CELF2: variants seen among roughly 807,000 people sequenced by gnomAD.
CELF2 encodes CUGBP Elav-like family member 2, also known as CUG triplet repeat RNA-binding protein 2.
In CELF2, 8 loss-of-function variants were observed where a neutral mutation model predicts 62.6. That is an observed-to-expected ratio of 0.13 (90% confidence interval 0.07 to 0.23). CELF2 has a LOEUF of 0.23. Among genes scored for constraint, CELF2 ranks in the 10% least tolerant of loss-of-function variants. The pLI is 1.00. For missense variants in CELF2, 333 were observed against 671.0 expected (o/e 0.50, Z 5.56); for synonymous variants, 258 against 250.0 (o/e 1.03, Z -0.30).
At chr10:10,729,436 TTA>T in the CELF2 span, among the ~76,000 whole-genome samples, 1 of 152,232 alleles carries the variant, frequency 6.6e-6, no homozygotes, top group Non-Finnish European at 1.5e-5. Context: ...ATAATTTGTG[TTA>T]TGTTTCTCAG....
In CELF2 at chr10:11,197,025, A is replaced by AAGGAAGGAAGGAAGGAAGGAAGG. The variant is rs1554936316; in HGVS notation, c.272-20399_272-20398insGGAAGGAAGGAAGGAAGGAAGGA. Reference sequence around the variant, plus strand: ...AGGAGAAAGAAAGAAAGAAAGAAAGAAAAGAAAGAAAGAAAGAAAGAAAGA... The same window carrying AAGGAAGGAAGGAAGGAAGGAAGG: ...AGGAGAAAGAAAGAAAGAAAGAAAGAAGGAAGGAAGGAAGGAAGGAAGGAAAGAAAGAAAGAAAGAAAGAAAGA... On this transcript the variant is annotated intron_variant, in intron 2 of 12. Transcript: ENST00000633077. Among the ~76,000 whole-genome samples, 30 of 26,132 alleles carry AAGGAAGGAAGGAAGGAAGGAAGG rather than the reference A, an allele frequency of 1.1e-3. 3 individuals are homozygous for AAGGAAGGAAGGAAGGAAGGAAGG. Among genetic ancestry groups the AAGGAAGGAAGGAAGGAAGGAAGG allele is most frequent in the Middle Eastern group, 0.045 (2 of 44 alleles). The allele number at this position is 26,132 out of a possible 152,430, so 17.1% of individuals were successfully genotyped here.
chr10:11,242,727 G>A lies in CELF2; in HGVS notation c.355-6426G>A, dbSNP rs1443849529. Among the ~76,000 whole-genome samples, 1 of 152,212 alleles carries A rather than the reference G, an allele frequency of 6.6e-6. No individual in the cohort carries two copies. Among genetic ancestry groups the A allele is most frequent in the Non-Finnish European group, 1.5e-5 (1 of 68,042 alleles). On this transcript the variant is annotated intron_variant, in intron 3 of 12. Transcript: ENST00000633077. This position sits in a 1 kb window ranked among gnomAD's most constrained non-coding sequence, Gnocchi z 4.8. ...CTTACTCAGGAGTGAGGGGCATCAG[G>A]TCCAGTCACAGGCCAGCCAGGGTGA... is the stretch of plus-strand genomic sequence containing the variant.
chr10:11,163,542 A>G (rs1470159846), intron 1 of CELF2, among the ~76,000 whole-genome samples: 1 of 152,238 alleles, frequency 6.6e-6, no homozygotes, highest in African/African-American at 2.4e-5. Context: ...AAGATAAACA[A>G]TCTGGCTCTA....
At chr10:11,004,422 C>CGCGTGT (rs112867733), upstream of CELF2, among the ~76,000 whole-genome samples, 27 of 148,584 alleles carry the variant, frequency 1.8e-4, no homozygotes, top group African/African-American at 5.7e-4. The surrounding 1 kb of genome is among the most constrained non-coding windows in gnomAD (Gnocchi z 5.0). Context: ...TGTGCGCGCG[C>CGCGTGT]GTGTGTGTGT....
intron 1 of CELF2, among the ~76,000 whole-genome samples, chr10:10,893,510 G>A (rs542434265): frequency 4.9e-4 from 74 of 152,210 alleles, no homozygotes; most frequent in Non-Finnish European, 7.4e-4. Flanking sequence ...TACTGTACAG[G>A]GTCCCCAGAG....
At chr10:10,631,065 G>A in the CELF2 span, among the ~76,000 whole-genome samples, 1 of 152,144 alleles carries the variant, frequency 6.6e-6, no homozygotes, top group Non-Finnish European at 1.5e-5. Flanking sequence ...TCTTCTCACT[G>A]AATTTCTTTA....
At chr10:10,980,350 C>G (rs541641498) in intron 2 of CELF2, among the ~76,000 whole-genome samples, 65 of 152,322 alleles carry the variant, frequency 4.3e-4, no homozygotes, top group Middle Eastern at 3.4e-3. Context: ...TCTTCCCCCC[C>G]CAAGATGGTA....
At chr10:11,327,782 C>T (rs2095833067) in intron 12 of CELF2, among the ~76,000 whole-genome samples, 1 of 152,204 alleles carries the variant, frequency 6.6e-6, no homozygotes, top group Admixed American at 6.5e-5. Flanking sequence ...ATGCCGCATG[C>T]CCATTTTTAT....
chr10:10,934,757 G>C lies in CELF2; in HGVS notation c.89+14758G>C, dbSNP rs1420921241. 1 of 152,154 alleles carries C rather than the reference G, an allele frequency of 6.6e-6. No homozygotes were observed. The highest frequency in any genetic ancestry group is 1.5e-5 in the Non-Finnish European group (1 of 68,020). The allele number at this position is 152,154 out of a possible 1,614,324, so 9.4% of individuals were successfully genotyped here. Reference sequence around the variant, plus strand: ...GGCAGTTCTGGATGTAGAACTTGATGTTTGAGCATTTAGTAAGAAAGCATC... The same window carrying C: ...GGCAGTTCTGGATGTAGAACTTGATCTTTGAGCATTTAGTAAGAAAGCATC... On this transcript the variant is annotated intron_variant, in intron 2 of 13. Transcript: ENST00000636488. The surrounding 1 kb of genome is among the most constrained non-coding windows in gnomAD (Gnocchi z 4.4).
In CELF2 at chr10:11,325,915, T is replaced by C. The variant is rs769260127; in HGVS notation, c.1374T>C (p.Pro458=). Residue 458 remains proline (P), a synonymous_variant, in exon 12 of 13, where the codon CCT becomes CCC. Coordinates refer to ENST00000633077, the MANE Select transcript of CELF2 (RefSeq NM_001326342.2). ...GDQDILQMFM[P]FGNVISAKVF... ...AGGACATTCTGCAGATGTTCATGCC[T>C]TTTGGAAATGTTATCTCTGCTAAAG... 6.2e-7 allele frequency: 1 copy of C among 1,614,036 alleles called. No homozygotes were observed. The highest frequency in any genetic ancestry group is 8.5e-7 in the Non-Finnish European group (1 of 1,179,996).
intron 1 of CELF2, among the ~76,000 whole-genome samples, chr10:11,055,338 T>G (rs1441402929): frequency 6.6e-6 from 1 of 152,254 alleles, no homozygotes; most frequent in Non-Finnish European, 1.5e-5. Context: ...TACTACAGTT[T>G]CCTCATAATC....
chr10:11,322,920 G>C (rs1393930193), intron 11 of CELF2, among the ~76,000 whole-genome samples: 1 of 152,004 alleles, frequency 6.6e-6, no homozygotes, highest in Non-Finnish European at 1.5e-5. Context: ...GGTGACAAAT[G>C]AGGGCAGAGA....
At chr10:10,464,286 C>T in the CELF2 span, among the ~76,000 whole-genome samples, 1 of 152,218 alleles carries the variant, frequency 6.6e-6, no homozygotes, top group Admixed American at 6.5e-5. Context: ...CGGTAACTGT[C>T]TATTAGCAAC....
intron 2 of CELF2, among the ~76,000 whole-genome samples, chr10:11,174,256 A>AAC (rs1043887621): frequency 2.0e-5 from 3 of 152,016 alleles, no homozygotes; most frequent in African/African-American, 7.2e-5. Flanking sequence ...CACATAGACA[A>AAC]ACACACACAC....
rs35482385 is a variant in CELF2 at position 10,979,672 on chromosome 10, C to CAAAAAAAAAAA, written c.89+59688_89+59698dup. Among the ~76,000 whole-genome samples, 66 of 68,964 alleles carry CAAAAAAAAAAA rather than the reference C, an allele frequency of 9.6e-4. 1 individual carries two copies. Among genetic ancestry groups the CAAAAAAAAAAA allele is most frequent in the African/African-American group, 3.0e-3 (63 of 21,216 alleles). The allele number at this position is 68,964 out of a possible 152,430, so 45.2% of individuals were successfully genotyped here. A position where few individuals can be genotyped will look rare whatever the true frequency, so the allele number is the denominator to read the frequency against. On this transcript the variant is annotated intron_variant, in intron 2 of 13. Coordinates refer to the CELF2 transcript ENST00000636488. ...GGCGATAGAGCCAGACCTTGTCTCT[C>CAAAAAAAAAAA]AAAAAAAAAAAAAAAAAAAAAAAAA... is the stretch of plus-strand genomic sequence containing the variant.
At chr10:11,325,020 T>C (rs768429677) in intron 11 of CELF2, among the ~76,000 whole-genome samples, 3 of 152,118 alleles carry the variant, frequency 2.0e-5, no homozygotes, top group Non-Finnish European at 2.9e-5. Context: ...GGTGCTCATA[T>C]GGGTGGGGGA....
chr10:10,850,506 C>A (rs1227475239), intron 1 of CELF2, among the ~76,000 whole-genome samples: 2 of 152,200 alleles, frequency 1.3e-5, no homozygotes, highest in Admixed American at 6.5e-5. Flanking sequence ...CTACTTTAAC[C>A]ACGAAAGAAT....
chr10:10,468,186 CTA>C, the CELF2 span, among the ~76,000 whole-genome samples: 1 of 151,974 alleles, frequency 6.6e-6, no homozygotes, highest in East Asian at 1.9e-4. Context: ...GTGAAGGACT[CTA>C]TGATAAAGCT....
chr10:10,691,644 T>C, the CELF2 span, among the ~76,000 whole-genome samples: 1 of 151,040 alleles, frequency 6.6e-6, no homozygotes, highest in African/African-American at 2.4e-5. Context: ...GTGTTCCTAT[T>C]TCTCCACATC....
Sources: gnomAD v4.1 joint callset for allele counts (sites outside exome capture counted in the v4.1 genomes callset) on GRCh38, gnomAD v4.1.1 for gene constraint, Gnocchi (gnomAD v3.1) non-coding constraint, MANE v1.5 for transcripts, NCBI Gene and HGNC (gene_info 2026-07-23, HGNC 2026-07-21) for gene names.